Variants in AIFM3 observed in about 807,000 individuals in gnomAD.
AIFM3 encodes apoptosis-inducing factor 3.
A neutral mutation model predicts 82.7 loss-of-function variants in AIFM3; 71 were observed. The observed-to-expected ratio is 0.86, with a 90% CI of 0.71 to 1.05. The LOEUF is 1.05. Among genes scored for constraint, AIFM3 ranks in the 50% least tolerant of loss-of-function variants. The pLI is 0.00. For missense variants in AIFM3, 748 were observed against 816.7 expected (o/e 0.92, Z 1.03); for synonymous variants, 337 against 329.1 (o/e 1.02, Z -0.26).
chr22:20,972,908 G>A (rs148802964), intron 2 of AIFM3, among the ~76,000 whole-genome samples: 118 of 152,190 alleles, frequency 7.8e-4, no homozygotes, highest in African/African-American at 2.5e-3. Flanking sequence ...CACCTCTGGC[G>A]TGGTGGTATG....
At chr22:20,979,907 G>A in intron 18 of AIFM3, 113 bp from the exon 19 acceptor site, 1 of 1,166,358 alleles carries the variant, frequency 8.6e-7, no homozygotes, top group Non-Finnish European at 1.2e-6. Context: ...GGCCATTCTT[G>A]TTGCCCTGGG....
intron 16 of AIFM3, among the ~76,000 whole-genome samples, chr22:20,978,822 AG>A (rs1193792242): frequency 2.0e-5 from 3 of 152,112 alleles, no homozygotes; most frequent in Admixed American, 2.0e-4. Flanking sequence ...ATCCAACTAC[AG>A]GGGTCTACTG....
chr22:20,965,844 G>A (rs139867951), upstream of AIFM3, among the ~76,000 whole-genome samples: 46 of 152,208 alleles, frequency 3.0e-4, no homozygotes, highest in African/African-American at 9.9e-4. Context: ...ATCCAGTCCC[G>A]CCTCACAGGT....
Position 20,969,009 on chromosome 22 carries a change from C to G in AIFM3, c.31+1034C>G, listed in dbSNP as rs60585496. Among the ~76,000 whole-genome samples, 534 of 152,330 alleles carry G rather than the reference C, an allele frequency of 3.5e-3. 3 individuals carry two copies. The highest frequency in any genetic ancestry group is 0.012 in the African/African-American group (515 of 41,574). ...CTCCAAGAAGCCACTCTTCCTCCCC[C>G]GCTCCTGTGCTGTGGACACCTAGGC... On this transcript the variant is annotated intron_variant, in intron 2 of 20. Coordinates refer to ENST00000440238, the MANE Select transcript of AIFM3 (RefSeq NM_001386814.1).
At chr22:20,971,936 C>T (rs1054801693) in intron 2 of AIFM3, among the ~76,000 whole-genome samples, 4 of 149,568 alleles carry the variant, frequency 2.7e-5, no homozygotes, top group Non-Finnish European at 5.9e-5. Flanking sequence ...CCCGTGGGCA[C>T]GCTGGGGAAG....
At chr22:20,970,925 G>A (rs541502294) in intron 2 of AIFM3, among the ~76,000 whole-genome samples, 18 of 152,360 alleles carry the variant, frequency 1.2e-4, no homozygotes, top group Admixed American at 1.0e-3. Flanking sequence ...TATAATAAAG[G>A]CATCTTAAGG....
Position 20,974,649 on chromosome 22 carries a change from G to A in AIFM3, c.607+28G>A, listed in dbSNP as rs373611938. On this transcript the variant is annotated intron_variant, in intron 7 of 20. Coordinates refer to ENST00000440238, the MANE Select transcript of AIFM3 (RefSeq NM_001386814.1). Reference sequence around the variant, plus strand: ...TGGTAGTGGGGTCATGAGGGGCAGGGTGGGAGATGGGATTGGTGAGAAGTG... The same window carrying A: ...TGGTAGTGGGGTCATGAGGGGCAGGATGGGAGATGGGATTGGTGAGAAGTG... The A allele has an allele frequency of 2.4e-5, 39 of 1,613,324 alleles. No homozygotes were observed. The African/African-American group carries it at 4.9e-4, about 20-fold the overall frequency.
chr22:20,973,868 G>A lies in AIFM3; in HGVS notation c.355+1G>A. ...CACTACGGCGCACCCCTGGTGAAAG[G>A]TGAGCTGTCAGGTGGGAGGCGTGAG... On this transcript the variant is annotated splice_donor_variant, in intron 4 of 20. Coordinates refer to ENST00000440238, the MANE Select transcript of AIFM3 (RefSeq NM_001386814.1). LOFTEE classifies it high-confidence loss of function. The A allele has an allele frequency of 2.0e-6, 3 of 1,529,622 alleles. No homozygotes were observed. Among genetic ancestry groups the A allele is most frequent in the Non-Finnish European group, 1.8e-6 (2 of 1,134,572 alleles). The allele number at this position is 1,529,622 out of a possible 1,614,324, so 94.8% of individuals were successfully genotyped here.
intron 16 of AIFM3, 41 bp from the exon 17 acceptor site, chr22:20,979,230 A>T (rs928224872): frequency 2.6e-6 from 4 of 1,546,538 alleles, no homozygotes; most frequent in Non-Finnish European, 2.6e-6. Flanking sequence ...TGGGAGTGGT[A>T]AGAGCGAGAG....
At chr22:20,968,261 C>T (rs1006625536) in intron 2 of AIFM3, among the ~76,000 whole-genome samples, 1 of 152,166 alleles carries the variant, frequency 6.6e-6, no homozygotes, top group Admixed American at 6.5e-5. Context: ...GTCAGGGTTC[C>T]TCCTGTTGCA....
At position 20,974,299 on chromosome 22, in the gene AIFM3, G is replaced by T. The variant is rs1923484730; in HGVS notation, c.510+3G>T. The T allele has an allele frequency of 3.7e-6, 6 of 1,613,406 alleles. No homozygotes were observed. Among genetic ancestry groups the T allele is most frequent in the Non-Finnish European group, 5.1e-6 (6 of 1,179,934 alleles). On this transcript the variant is annotated splice_donor_region_variant and intron_variant, in intron 6 of 20. Coordinates refer to ENST00000440238, the MANE Select transcript of AIFM3 (RefSeq NM_001386814.1). Reference sequence around the variant, plus strand: ...TGTACGTCCGGGCCAGCAAGCAGGTGAGGGGATAGCTCGGGGCTCAGGCAG... The same window carrying T: ...TGTACGTCCGGGCCAGCAAGCAGGTTAGGGGATAGCTCGGGGCTCAGGCAG...
Position 20,974,636 on chromosome 22 carries a change from C to G in AIFM3, c.607+15C>G. 3 of 1,613,332 alleles carry G rather than the reference C, an allele frequency of 1.9e-6. No homozygotes were observed. Among genetic ancestry groups the G allele is most frequent in the Non-Finnish European group, 2.5e-6 (3 of 1,179,712 alleles). ...TGTGGGTGCAGGTTGGTAGTGGGGT[C>G]ATGAGGGGCAGGGTGGGAGATGGGA... On this transcript the variant is annotated intron_variant, in intron 7 of 20. Coordinates refer to ENST00000440238, the MANE Select transcript of AIFM3 (RefSeq NM_001386814.1).
In AIFM3 at chr22:20,971,233, A is replaced by G. The variant is rs576377648; in HGVS notation, c.32-2074A>G. On this transcript the variant is annotated intron_variant, in intron 2 of 20. Transcript: ENST00000440238. ...AGTATTTCTCTTTTTAATTCTTCCA[A>G]AAACATTCTAACACCATTACATAAG... Among the ~76,000 whole-genome samples the G allele has an allele frequency of 3.9e-5, 6 of 152,330 alleles. No individual in the cohort carries two copies. The South Asian group carries it at 8.3e-4, about 21-fold the overall frequency.
rs765233522 is a variant in AIFM3 at position 20,967,941 on chromosome 22, C to A, written c.-4C>A. 2 of 1,614,038 alleles carry A rather than the reference C, an allele frequency of 1.2e-6. No homozygotes were observed. Among genetic ancestry groups the A allele is most frequent in the South Asian group, 2.2e-5 (2 of 91,096 alleles). ...GCCTGCCGGCCATCCTCAGGCCACT[C>A]GCCATGGGCGGCTGCTTCTCCAAAC... On this transcript the variant is annotated 5_prime_UTR_variant, in exon 2 of 21. An upstream open reading frame in the 5' UTR gains an earlier in-frame stop. Transcript: ENST00000440238.
At chr22:20,975,508 G>C (rs920272691) in intron 8 of AIFM3, among the ~76,000 whole-genome samples, 184 bp from the exon 9 acceptor site, 3 of 152,172 alleles carry the variant, frequency 2.0e-5, no homozygotes, top group Admixed American at 6.5e-5. Flanking sequence ...TGGTTCAAGC[G>C]ATCCTCCTGT....
intron 2 of AIFM3, among the ~76,000 whole-genome samples, chr22:20,969,474 T>G (rs1031078907): frequency 2.0e-5 from 3 of 152,140 alleles, no homozygotes; most frequent in Non-Finnish European, 2.9e-5. Flanking sequence ...CCTTCTCCCA[T>G]GCTGGAGTGC....
In AIFM3 at chr22:20,974,082, G is replaced by A; in HGVS notation, c.375G>A (p.Arg125=). Residue 125 remains arginine (R), a synonymous_variant, in exon 5 of 21, where the codon CGG becomes CGA. Transcript: ENST00000440238. ...PLVKGVLSRG[R]VRCPWHGACF... The stretch of plus-strand genomic sequence containing the variant: ...TCCCAGGCGTTCTGTCCCGTGGTCG[G>A]GTGCGCTGCCCCTGGCACGGCGCCT... 1.2e-6 allele frequency: 2 copies of A among 1,610,822 alleles called. No individual in the cohort carries two copies. The highest frequency in any genetic ancestry group is 1.7e-6 in the Non-Finnish European group (2 of 1,179,566).
chr22:20,976,083 G>T, intron 9 of AIFM3, 132 bp from the exon 10 acceptor site: 2 of 997,882 alleles, frequency 2.0e-6, no homozygotes. Context: ...TGAAGCCCAG[G>T]TGGCAGGATC....
chr22:20,980,722 GTT>G (rs1924050673), intron 19 of AIFM3, 23 bp from the exon 20 acceptor site: 1 of 1,614,154 alleles, frequency 6.2e-7, no homozygotes, highest in East Asian at 2.2e-5. Context: ...CCTTCTCTCC[GTT>G]TCTCTCTCTT....
Sources: allele counts gnomAD v4.1 joint callset (sites outside exome capture counted in the v4.1 genomes callset), GRCh38; gene constraint gnomAD v4.1.1; transcripts MANE v1.5; gene names NCBI Gene and HGNC (gene_info 2026-07-23, HGNC 2026-07-21).